FAM186A: variants seen among roughly 807,000 people sequenced by gnomAD.
FAM186A encodes family with sequence similarity 186 member A, also known as protein FAM186A.
A neutral mutation model predicts 216.8 loss-of-function variants in FAM186A; 163 were observed. The observed-to-expected ratio is 0.75, with a 90% CI of 0.66 to 0.86. The LOEUF is 0.86. FAM186A is among the 40% of genes least tolerant of loss of function. FAM186A has a pLI of 0.00. For synonymous variants in FAM186A, 805 were observed against 1,025.3 expected (o/e 0.79, Z 4.10); for missense variants, 2,184 against 2,746.2 (o/e 0.80, Z 4.58).
At chr12:50,390,985 C>T (rs1422234044) in intron 1 of FAM186A, among the ~76,000 whole-genome samples, 1 of 150,568 alleles carries the variant, frequency 6.6e-6, no homozygotes, top group Non-Finnish European at 1.5e-5. Context: ...CTACCATGCC[C>T]TACCTCCTTT....
In FAM186A at chr12:50,387,299, G is replaced by A. The variant is rs147228898; in HGVS notation, c.192+8994C>T. 5.9e-5 allele frequency among the ~76,000 whole-genome samples: 9 copies of A among 152,312 alleles called. No individual in the cohort carries two copies. In the East Asian group the frequency reaches 1.2e-3, roughly 20 times the overall value. On this transcript the variant is annotated intron_variant, in intron 1 of 7. Coordinates refer to ENST00000327337, the MANE Select transcript of FAM186A (RefSeq NM_001145475.3). The stretch of plus-strand genomic sequence containing the variant: ...TTTGCTGGGGCAGCTCACAGAACTG[G>A]TTTATTGAAGAGATGCTAGGGCAAG...
chr12:50,382,263 A>T, intron 1 of FAM186A, among the ~76,000 whole-genome samples: 1 of 151,552 alleles, frequency 6.6e-6, no homozygotes, highest in Admixed American at 6.6e-5. Context: ...AAAAAAAAAA[A>T]AGACACACTC....
intron 1 of FAM186A, among the ~76,000 whole-genome samples, chr12:50,383,573 G>A (rs1227116341): frequency 6.6e-6 from 1 of 152,038 alleles, no homozygotes; most frequent in Non-Finnish European, 1.5e-5. Context: ...TCCAGCCTGG[G>A]CAACAGAGTG....
intron 1 of FAM186A, among the ~76,000 whole-genome samples, chr12:50,393,672 C>T (rs1423975654): frequency 6.6e-6 from 1 of 151,934 alleles, no homozygotes; most frequent in East Asian, 1.9e-4. Flanking sequence ...CATGGTGAAA[C>T]CCCATTTATA....
chr12:50,335,383 C>T (rs542704367), intron 4 of FAM186A, among the ~76,000 whole-genome samples: 3 of 151,936 alleles, frequency 2.0e-5, no homozygotes, highest in African/African-American at 7.2e-5. Flanking sequence ...CAGTGTCTCA[C>T]GCCTGTAATC....
intron 4 of FAM186A, among the ~76,000 whole-genome samples, chr12:50,341,610 G>A (rs1408709976): frequency 1.3e-5 from 2 of 152,146 alleles, no homozygotes. Flanking sequence ...GCCAAGGTGG[G>A]CAGATCACGA....
intron 1 of FAM186A, among the ~76,000 whole-genome samples, chr12:50,378,078 A>G (rs937421496): frequency 1.3e-5 from 2 of 151,858 alleles, no homozygotes; most frequent in Non-Finnish European, 1.5e-5. Context: ...ATACAAAATT[A>G]GCCGGCGTGG....
intron 5 of FAM186A, among the ~76,000 whole-genome samples, chr12:50,332,915 C>A (rs959604798): frequency 9.9e-5 from 15 of 152,004 alleles, no homozygotes; most frequent in Non-Finnish European, 2.2e-4. Context: ...GTAATCCCAA[C>A]TACTCGGGAG....
Position 50,350,511 on chromosome 12 carries a change from A to G in FAM186A, c.6321T>C (p.Val2107=), listed in dbSNP as rs1592606601. 3 of 1,551,596 alleles carry G rather than the reference A, an allele frequency of 1.9e-6. No homozygotes were observed. Among genetic ancestry groups the G allele is most frequent in the Non-Finnish European group, 2.6e-6 (3 of 1,146,974 alleles). Residue 2107 remains valine (V), a synonymous_variant, in exon 4 of 8, where the codon GTT becomes GTC. Transcript: ENST00000327337. ...PQELEEKRYF[V]DVEAQKKNLI... is the part of the protein sequence containing the mutation. ...GGTTCTTCTTCTGAGCCTCCACATC[A>G]ACAAAATACCTCTTTTCTTCAAGTT...
intron 1 of FAM186A, among the ~76,000 whole-genome samples, chr12:50,365,460 T>G (rs1943078711): frequency 6.6e-6 from 1 of 152,182 alleles, no homozygotes; most frequent in Non-Finnish European, 1.5e-5. Flanking sequence ...ATAAAGAGAA[T>G]GTTAAAAATA....
rs763966834 is a variant in FAM186A at position 50,353,096 on chromosome 12, G to C, written c.3736C>G (p.Gln1246Glu). The change falls in exon 4 of 8, where the codon CAG becomes GAG. Residue 1246 changes from glutamine to glutamate, a missense_variant. Gln to Glu is a conservative substitution (Grantham distance 29). Around this residue, in one of 7 missense-constraint regions of FAM186A, gnomAD observed 267 missense variants for 446.2 expected, o/e 0.60. Transcript: ENST00000327337. The part of the protein sequence containing the change: ...AQQLGIPLTP[Q>E]QAQALGITLT... ...GTGATTCCGAGAGCCTGCGCCTGCT[G>C]AGGGGTGAGAGGGATCCCCAATTGC... 304 of 1,536,322 alleles carry C rather than the reference G, an allele frequency of 2.0e-4. No homozygotes were observed. The highest frequency in any genetic ancestry group is 2.6e-4 in the Non-Finnish European group (294 of 1,138,808).
At chr12:50,378,555 A>G (rs1316546901) in intron 1 of FAM186A, among the ~76,000 whole-genome samples, 2 of 38,000 alleles carry the variant, frequency 5.3e-5, no homozygotes, top group Non-Finnish European at 2.4e-4. Context: ...ATATATGTAA[A>G]TTGTATATAT....
At chr12:50,391,557 G>A (rs903269212) in intron 1 of FAM186A, among the ~76,000 whole-genome samples, 2 of 150,768 alleles carry the variant, frequency 1.3e-5, no homozygotes, top group South Asian at 2.1e-4. Context: ...CTTGTGATCC[G>A]CCTGCCTCAG....
rs150220350 is a variant in FAM186A, at chr12:50,355,955, CAT to C, written c.875_876del (p.His292ArgfsTer4). The C allele has an allele frequency of 2.3e-4, 351 of 1,551,570 alleles. 1 individual carries two copies. The East Asian group carries it at 7.0e-3, about 31-fold the overall frequency. ...VNFQSSTVYA[H>X]ETSEAEKELS... The stretch of plus-strand genomic sequence containing the variant: ...AGCTCCTTTTCTGCTTCACTTGTCT[CAT>C]GTGCATACACAGTGGAACTTTGGAA... On this transcript the variant is annotated frameshift_variant, in exon 4 of 8. Coordinates refer to ENST00000327337, the MANE Select transcript of FAM186A (RefSeq NM_001145475.3). LOFTEE classifies it high-confidence loss of function.
chr12:50,385,462 CAG>C (rs1360766008), intron 1 of FAM186A, among the ~76,000 whole-genome samples: 3 of 142,310 alleles, frequency 2.1e-5, no homozygotes, highest in African/African-American at 2.6e-5. Flanking sequence ...TAGAAGGAAA[CAG>C]GGGAAAAGTT....
chr12:50,346,257 G>GAAAGAAAGAAAGAAAGAAAT (rs1407752642), intron 4 of FAM186A, among the ~76,000 whole-genome samples: 1 of 150,430 alleles, frequency 6.6e-6, no homozygotes, highest in Non-Finnish European at 1.5e-5. Flanking sequence ...AAGAAAGAAA[G>GAAAGAAAGAAAGAAAGAAAT]AAAGAAAGTC....
Position 50,355,202 on chromosome 12 carries a change from A to G in FAM186A, c.1630T>C (p.Leu544=). 6.4e-7 allele frequency: 1 copy of G among 1,551,610 alleles called. No individual in the cohort carries two copies. The highest frequency in any genetic ancestry group is 8.7e-7 in the Non-Finnish European group (1 of 1,146,944). Residue 544 remains leucine, a synonymous_variant, in exon 4 of 8, where the codon TTG becomes CTG. Transcript: ENST00000327337. ...GGKSGTSMMM[L]EQFRKVKRES... ...CGTTTGACCTTCCTAAATTGCTCCA[A>G]CATCATCATACTTGTTCCACTTTTG...
chr12:50,354,618 A>G lies in FAM186A; in HGVS notation c.2214T>C (p.Asp738=). 2 of 1,547,058 alleles carry G rather than the reference A, an allele frequency of 1.3e-6. No individual in the cohort carries two copies. The highest frequency in any genetic ancestry group is 1.7e-6 in the Non-Finnish European group (2 of 1,145,872). The part of the protein sequence containing the change: ...TVTKILRKYK[D]TKKEEQVGEK... Reference sequence around the variant, plus strand: ...CTCCAACTTGTTCTTCCTTTTTTGTATCTTTGTATTTTCTCAAGATTTTAG... The same window carrying G: ...CTCCAACTTGTTCTTCCTTTTTTGTGTCTTTGTATTTTCTCAAGATTTTAG... Residue 738 remains aspartate, a synonymous_variant, in exon 4 of 8, where the codon GAT becomes GAC. Transcript: ENST00000327337.
At chr12:50,345,022 C>T (rs890808069) in intron 4 of FAM186A, among the ~76,000 whole-genome samples, 12 of 151,980 alleles carry the variant, frequency 7.9e-5, no homozygotes, top group South Asian at 2.1e-4. Flanking sequence ...GAGGCGAAGG[C>T]GGGTAGATCA....
Sources: allele counts gnomAD v4.1 joint callset (sites outside exome capture counted in the v4.1 genomes callset), GRCh38; gene constraint gnomAD v4.1.1; regional missense constraint gnomAD v4.1.1; transcripts MANE v1.5; gene names NCBI Gene and HGNC (gene_info 2026-07-23, HGNC 2026-07-21).